HPGDS: variants seen among roughly 807,000 people sequenced by gnomAD.
HPGDS encodes hematopoietic prostaglandin D synthase, also known as GST class-sigma.
In HPGDS, 26 loss-of-function variants were observed where a neutral mutation model predicts 23.1. The observed-to-expected ratio is 1.13, with a 90% CI of 0.83 to 1.56. HPGDS has a LOEUF of 1.56. Among genes scored for constraint, HPGDS ranks in the 40% most tolerant of loss-of-function variants. The pLI, the probability that HPGDS is intolerant of heterozygous loss-of-function variation, is 0.00. For missense variants in HPGDS, 268 were observed against 236.4 expected (o/e 1.13, Z -0.88); for synonymous variants, 95 against 77.9 (o/e 1.22, Z -1.16).
At chr4:94,334,678 C>T (rs1403025190) in intron 1 of HPGDS, 40 bp from the exon 2 acceptor site, 1 of 1,537,310 alleles carries the variant, frequency 6.5e-7, no homozygotes, top group Non-Finnish European at 8.7e-7. Context: ...TAAGAGCCCT[C>T]TAGAGATGCC....
chr4:94,307,279 A>C (rs780865865), intron 4 of HPGDS, among the ~76,000 whole-genome samples: 4 of 151,968 alleles, frequency 2.6e-5, no homozygotes, highest in Non-Finnish European at 5.9e-5. Flanking sequence ...GCAAGGAAAG[A>C]AAACAGGAGA....
At chr4:94,310,298 A>G (rs1756238101) in intron 3 of HPGDS, among the ~76,000 whole-genome samples, 1 of 152,130 alleles carries the variant, frequency 6.6e-6, no homozygotes, top group South Asian at 2.1e-4. Context: ...ATCTTGAATG[A>G]ATTTTTGTAT....
At chr4:94,303,796 C>T (rs950385873) in intron 4 of HPGDS, 2 of 152,098 alleles carry the variant, frequency 1.3e-5, no homozygotes, top group African/African-American at 2.4e-5. Context: ...TTCTAACGTG[C>T]ATTTCCAGAG....
chr4:94,312,055 G>T (rs1482236948), intron 3 of HPGDS, among the ~76,000 whole-genome samples: 1 of 152,126 alleles, frequency 6.6e-6, no homozygotes, highest in Admixed American at 6.5e-5. Flanking sequence ...GTTGCCAGCA[G>T]TCTATCAATT....
chr4:94,315,602 A>G (rs1756380977), intron 3 of HPGDS, among the ~76,000 whole-genome samples: 1 of 152,126 alleles, frequency 6.6e-6, no homozygotes, highest in Non-Finnish European at 1.5e-5. Context: ...GCTTTCTAAA[A>G]TGGATTGCTT....
intron 2 of HPGDS, among the ~76,000 whole-genome samples, chr4:94,325,994 A>G (rs1421348189): frequency 1.4e-5 from 2 of 145,594 alleles, no homozygotes; most frequent in African/African-American, 5.2e-5. Flanking sequence ...TTTTTTTTTC[A>G]GCACTTTGAA....
At chr4:94,317,672 T>C (rs1006595173) in intron 3 of HPGDS, among the ~76,000 whole-genome samples, 3 of 152,218 alleles carry the variant, frequency 2.0e-5, no homozygotes, top group Non-Finnish European at 2.9e-5. Flanking sequence ...CAGGAGGCGA[T>C]ATAAAATAAA....
intron 1 of HPGDS, among the ~76,000 whole-genome samples, chr4:94,338,992 T>C (rs973410983): frequency 3.9e-5 from 6 of 152,232 alleles, no homozygotes; most frequent in African/African-American, 1.4e-4. Flanking sequence ...TGTAATGCGG[T>C]ATTTGCTCAG....
chr4:94,309,018 C>A (rs1175832434), intron 3 of HPGDS, among the ~76,000 whole-genome samples: 1 of 86,054 alleles, frequency 1.2e-5, no homozygotes, highest in Non-Finnish European at 2.3e-5. Context: ...CCCTACATAT[C>A]TTTCTTTACA....
At chr4:94,303,480 G>A (rs114664952) in intron 4 of HPGDS, among the ~76,000 whole-genome samples, 1,912 of 152,212 alleles carry the variant, frequency 0.013, 43 homozygotes, top group African/African-American at 0.044. Context: ...ACTTACATAT[G>A]TTTGCCAGAT....
chr4:94,321,991 T>G (rs953576559), intron 2 of HPGDS, among the ~76,000 whole-genome samples: 1 of 152,170 alleles, frequency 6.6e-6, no homozygotes, highest in Non-Finnish European at 1.5e-5. Context: ...TGAATTTTGT[T>G]GAAGGCCTTT....
chr4:94,298,654 C>T lies in HPGDS; in HGVS notation c.*826G>A, dbSNP rs1488408722. ...ACAAGTATTTTCTCCAAGTCTGTGG[C>T]TTGTCTTCTCCTTCTCTTGATCTCT... On this transcript the variant is annotated 3_prime_UTR_variant, in exon 6 of 6. Coordinates refer to ENST00000295256, the MANE Select transcript of HPGDS (RefSeq NM_014485.3). The T allele has an allele frequency of 1.3e-5, 2 of 152,162 alleles. No homozygotes were observed. The highest frequency in any genetic ancestry group is 2.1e-4 in the South Asian group (1 of 4,832). 9.4% of individuals were successfully genotyped at this position (152,162 alleles called of 1,614,324 possible). A position where few individuals can be genotyped will look rare whatever the true frequency, so the allele number is the denominator to read the frequency against.
intron 3 of HPGDS, among the ~76,000 whole-genome samples, chr4:94,315,656 C>T (rs1756381975): frequency 6.6e-6 from 1 of 152,128 alleles, no homozygotes. Context: ...AAACTGTATA[C>T]TGACAGTGGA....
intron 3 of HPGDS, among the ~76,000 whole-genome samples, chr4:94,312,634 T>C (rs1170006900): frequency 6.6e-6 from 1 of 152,008 alleles, no homozygotes; most frequent in Non-Finnish European, 1.5e-5. Context: ...GGGTGGAGAG[T>C]TCTGTAGATG....
At chr4:94,327,799 G>A (rs938596172) in intron 2 of HPGDS, among the ~76,000 whole-genome samples, 1 of 152,190 alleles carries the variant, frequency 6.6e-6, no homozygotes, top group Admixed American at 6.5e-5. Context: ...ACACTTAAGT[G>A]AAGCCAGCAT....
intron 3 of HPGDS, among the ~76,000 whole-genome samples, chr4:94,314,911 G>A (rs1560588123): frequency 6.6e-6 from 1 of 152,216 alleles, no homozygotes; most frequent in Non-Finnish European, 1.5e-5. Flanking sequence ...AATGAGCAAG[G>A]CTCCCTGGGC....
chr4:94,316,571 C>T lies in HPGDS; in HGVS notation c.226+1302G>A, dbSNP rs1435180969. 2.0e-5 allele frequency among the ~76,000 whole-genome samples: 3 copies of T among 148,548 alleles called. No individual in the cohort carries two copies. In the East Asian group the frequency reaches 5.9e-4, roughly 29 times the overall value. Reference sequence around the variant, plus strand: ...TTGCATAAGAAAAAAAGTCCATATTCTAGATCCTTCTAGATCTTTCTAATC... The same window carrying T: ...TTGCATAAGAAAAAAAGTCCATATTTTAGATCCTTCTAGATCTTTCTAATC... On this transcript the variant is annotated intron_variant, in intron 3 of 5. Coordinates refer to ENST00000295256, the MANE Select transcript of HPGDS (RefSeq NM_014485.3).
rs1202663559 is a variant in HPGDS, at chr4:94,316,351, A to G, written c.226+1522T>C. Among the ~76,000 whole-genome samples, 3 of 148,456 alleles carry G rather than the reference A, an allele frequency of 2.0e-5. No homozygotes were observed. In the East Asian group the frequency reaches 5.9e-4, roughly 29 times the overall value. The stretch of plus-strand genomic sequence containing the variant: ...GACTGCCTTCCACATGGCAACGTCT[A>G]TCTACTGTCTCTAAGATGATTCTAC... On this transcript the variant is annotated intron_variant, in intron 3 of 5. Coordinates refer to ENST00000295256, the MANE Select transcript of HPGDS (RefSeq NM_014485.3).
chr4:94,338,230 C>A, intron 1 of HPGDS, among the ~76,000 whole-genome samples: 1 of 152,068 alleles, frequency 6.6e-6, no homozygotes, highest in Non-Finnish European at 1.5e-5. Context: ...TTGAGACCAG[C>A]CTGGCCAACA....
Sources: allele counts gnomAD v4.1 joint callset (sites outside exome capture counted in the v4.1 genomes callset), GRCh38; gene constraint gnomAD v4.1.1; transcripts MANE v1.5; gene names NCBI Gene and HGNC (gene_info 2026-07-23, HGNC 2026-07-21).